KLC3: variants seen among roughly 807,000 people sequenced by gnomAD.
KLC3 encodes kinesin light chain 2.
KLC3 carries 72 observed loss-of-function variants against 62.9 expected under a neutral mutation model. That is an observed-to-expected ratio of 1.15 (90% CI 0.95 to 1.39). The LOEUF is 1.39. Ranked by LOEUF, KLC3 falls within the 40% of genes most tolerant of loss-of-function variation. The pLI is 0.00. For synonymous variants in KLC3, 377 were observed against 300.5 expected (o/e 1.25, Z -2.63); for missense variants, 848 against 691.6 (o/e 1.23, Z -2.54).
intron 3 of KLC3, 45 bp from the exon 4 acceptor site, chr19:45,347,402 A>T: frequency 6.7e-7 from 1 of 1,498,984 alleles, no homozygotes; most frequent in Non-Finnish European, 9.2e-7. Context: ...CGGTCTCTGA[A>T]ACAAGCCCCC....
Position 45,350,568 on chromosome 19 carries a change from C to T in KLC3, c.1272+17C>T. Reference sequence around the variant, plus strand: ...GCAGAACAGGTGAGGATGGGCTGTGCTTCGGCTCCTGGGGTGGGCGTGGGG... The same window carrying T: ...GCAGAACAGGTGAGGATGGGCTGTGTTTCGGCTCCTGGGGTGGGCGTGGGG... On this transcript the variant is annotated intron_variant, in intron 10 of 12. Coordinates refer to ENST00000391946, the MANE Select transcript of KLC3 (RefSeq NM_177417.3). The T allele has an allele frequency of 1.2e-6, 2 of 1,613,982 alleles. No homozygotes were observed. Among genetic ancestry groups the T allele is most frequent in the Non-Finnish European group, 1.7e-6 (2 of 1,179,962 alleles).
At chr19:45,349,218 C>G (rs1024098064) in intron 7 of KLC3, among the ~76,000 whole-genome samples, 1 of 152,154 alleles carries the variant, frequency 6.6e-6, no homozygotes, top group African/African-American at 2.4e-5. Context: ...ACCTACCCAT[C>G]TCACCCTGTG....
At chr19:45,347,601 GC>G in intron 4 of KLC3, 85 bp downstream of exon 4, 1 of 1,277,448 alleles carries the variant, frequency 7.8e-7, no homozygotes, top group Non-Finnish European at 1.1e-6. Context: ...AAATCTCTGA[GC>G]CAGGGGATGG....
At chr19:45,349,921 C>T (rs556073223) in intron 8 of KLC3, 30 of 434,756 alleles carry the variant, frequency 6.9e-5, no homozygotes, top group African/African-American at 4.8e-4. Flanking sequence ...TATAGCGTCC[C>T]TATGAGGTGG....
In KLC3 at chr19:45,346,623, C is replaced by T; in HGVS notation, c.338C>T (p.Ala113Val). Residue 113 changes from alanine (A) to valine (V), a missense_variant, in exon 3 of 13, where the codon GCC (alanine) becomes GTC (valine). Ala to Val is a moderately conservative substitution (Grantham distance 64). Coordinates refer to ENST00000391946, the MANE Select transcript of KLC3 (RefSeq NM_177417.3). ...QRLRSQARRL[A>V]QENVWLREEL... ...CTGCGCTCGCAGGCCCGGCGGCTGG[C>T]CCAGGAGAACGTGTGGCTGCGGGAG... 6.4e-7 allele frequency: 1 copy of T among 1,552,058 alleles called. No individual in the cohort carries two copies. The highest frequency in any genetic ancestry group is 2.4e-5 in the East Asian group (1 of 41,060).
intron 7 of KLC3, among the ~76,000 whole-genome samples, chr19:45,349,181 A>G (rs144682813): frequency 7.6e-4 from 115 of 151,636 alleles, no homozygotes; most frequent in Middle Eastern, 3.4e-3. Flanking sequence ...CCAACCCCTC[A>G]TGGCCACCAG....
chr19:45,350,369 A>T lies in KLC3; in HGVS notation c.1172A>T (p.Tyr391Phe). 1 of 1,613,740 alleles carries T rather than the reference A, an allele frequency of 6.2e-7. No homozygotes were observed. The highest frequency in any genetic ancestry group is 1.1e-5 in the South Asian group (1 of 91,062). The change falls in exon 9 of 13, where the codon TAT becomes TTT. Residue 391 changes from tyrosine (Y) to phenylalanine (F), a missense_variant. Transcript: ENST00000391946. The stretch of plus-strand genomic sequence containing the variant: ...TCAGCCTACCTGAAACAGAACAAGT[A>T]TCAACAAGCGGAAGAGCTGTACAAA... ...LASAYLKQNK[Y>F]QQAEELYKEI...
chr19:45,348,182 G>A (rs982816206), intron 5 of KLC3, 22 bp downstream of exon 5: 1 of 1,551,574 alleles, frequency 6.4e-7, no homozygotes, highest in African/African-American at 1.4e-5. Flanking sequence ...GGCCAGCCAT[G>A]GCTGGGGGCA....
intron 3 of KLC3, 26 bp downstream of exon 3, chr19:45,346,800 GGTGCTGGGCCCTTCATAGAGCCCCACA>G: frequency 6.6e-7 from 1 of 1,514,550 alleles, no homozygotes; most frequent in South Asian, 1.2e-5. Flanking sequence ...CGAGGCGGGG[GGTGCTGGGCCCTTCATAGAGCCCCACA>G]GTCCCCCAGA....
chr19:45,351,212 G>A, intron 12 of KLC3, 74 bp from the exon 13 acceptor site: 1 of 1,589,548 alleles, frequency 6.3e-7, no homozygotes, highest in East Asian at 2.2e-5. Flanking sequence ...TGCCAGGCTG[G>A]ACCTGGAGCT....
chr19:45,348,725 C>T lies in KLC3; in HGVS notation c.859C>T (p.His287Tyr). Reference sequence around the variant, plus strand: ...CCGGGAGCAGACGCTGGGCCCTGAGCACCCCGCGGTGAGTGGGGCCCCAGG... The same window carrying T: ...CCGGGAGCAGACGCTGGGCCCTGAGTACCCCGCGGTGAGTGGGGCCCCAGG... ...QIREQTLGPEHPAVAATLNNL... is the reference protein window; with the variant it reads ...QIREQTLGPEYPAVAATLNNL... Residue 287 changes from histidine (H) to tyrosine (Y), a missense_variant, in exon 6 of 13, where the codon CAC becomes TAC. Transcript: ENST00000391946. 2 of 1,588,476 alleles carry T rather than the reference C, an allele frequency of 1.3e-6. No homozygotes were observed. Among genetic ancestry groups the T allele is most frequent in the Non-Finnish European group, 1.7e-6 (2 of 1,167,848 alleles).
chr19:45,349,543 A>G lies in KLC3; in HGVS notation c.1084A>G (p.Ile362Val), dbSNP rs1189644062. 6.2e-7 allele frequency: 1 copy of G among 1,613,856 alleles called. No individual in the cohort carries two copies. The highest frequency in any genetic ancestry group is 1.3e-5 in the African/African-American group (1 of 74,896). ...VERHYARALS[I>V]YEALGGPHDP... ...GCGGCACTATGCCCGGGCCCTGAGC[A>G]TCTATGAGGCACTGGGCGGGCCCCA... Residue 362 changes from isoleucine (I) to valine (V), a missense_variant, in exon 8 of 13, where the codon ATC becomes GTC. Physicochemically the swap from Ile to Val is conservative, Grantham distance 29. Coordinates refer to ENST00000391946, the MANE Select transcript of KLC3 (RefSeq NM_177417.3).
intron 3 of KLC3, 100 bp downstream of exon 3, chr19:45,346,874 T>TAGAATCCCACAGTCCCCAAGATCCTC: frequency 8.6e-7 from 1 of 1,160,118 alleles, no homozygotes; most frequent in Non-Finnish European, 1.2e-6. Flanking sequence ...AGATCCTCCT[T>TAGAATCCCACAGTCCCCAAGATCCTC]AGAATCCCAC....
intron 4 of KLC3, 83 bp from the exon 5 acceptor site, chr19:45,347,857 CA>C (rs2123188183): frequency 1.7e-6 from 2 of 1,158,518 alleles, no homozygotes; most frequent in Non-Finnish European, 2.5e-6. Context: ...GGCAGTCCGG[CA>C]GTTCTGAGGC....
At chr19:45,348,271 A>AG in intron 5 of KLC3, 111 bp downstream of exon 5, 1 of 993,680 alleles carries the variant, frequency 1.0e-6, no homozygotes, top group Non-Finnish European at 1.5e-6. Context: ...TAGGGAGGTC[A>AG]GGGGAGGGGA....
rs763733005 is a variant in KLC3, at chr19:45,348,083, G to A, written c.702G>A (p.Leu234=). The change falls in exon 5 of 13, where the codon TTG becomes TTA. Residue 234 remains leucine, a synonymous_variant. Coordinates refer to ENST00000391946, the MANE Select transcript of KLC3 (RefSeq NM_177417.3). ...EVAVPLCRQA[L]EDLERSSGHC... is the part of the protein sequence containing the mutation. ...CGGTGCCTCTGTGCCGCCAGGCCTT[G>A]GAGGACCTGGAGCGCAGCTCGGGCC... 6.2e-7 allele frequency: 1 copy of A among 1,602,550 alleles called. No individual in the cohort carries two copies. The highest frequency in any genetic ancestry group is 1.3e-5 in the African/African-American group (1 of 74,844).
At chr19:45,348,756 G>A (rs376674539) in intron 6 of KLC3, 23 bp downstream of exon 6, 61 of 1,569,772 alleles carry the variant, frequency 3.9e-5, no homozygotes, top group African/African-American at 6.8e-5. Context: ...CCAGGGAGAC[G>A]AAGTGGGGTC....
chr19:45,344,379 AT>A (rs11418920), intron 1 of KLC3, among the ~76,000 whole-genome samples: 4,144 of 121,484 alleles, frequency 0.034, 61 homozygotes, highest in Middle Eastern at 0.065. Flanking sequence ...ATGCTCTGCT[AT>A]TTTTTTTTTT....
Position 45,351,413 on chromosome 19 carries a change from CTGGTGGGGTGAGA to C in KLC3, c.*57_*69del. The C allele has an allele frequency of 6.3e-7, 1 of 1,597,522 alleles. No individual in the cohort carries two copies. ...TTGGGAACAGTGCAGGAGGGATGGG[CTGGTGGGGTGAGA>C]GGGGGTCTATCATCTCCTGGCCCCC... On this transcript the variant is annotated 3_prime_UTR_variant, in exon 13 of 13. Transcript: ENST00000391946.
Sources: gnomAD v4.1 joint callset for allele counts (sites outside exome capture counted in the v4.1 genomes callset) on GRCh38, gnomAD v4.1.1 for gene constraint, MANE v1.5 for transcripts, NCBI Gene and HGNC (gene_info 2026-07-23, HGNC 2026-07-21) for gene names.